DBR1: variants seen among roughly 807,000 people sequenced by gnomAD.
DBR1 encodes debranching RNA lariats 1, also known as lariat debranching enzyme.
In DBR1, 33 loss-of-function variants were observed where a neutral mutation model predicts 45.9. The observed-to-expected ratio is 0.72, with a 90% CI of 0.55 to 0.96. The LOEUF is 0.96. DBR1 is among the 40% of genes least tolerant of loss of function. The pLI is 0.00. For synonymous variants in DBR1, 235 were observed against 235.9 expected, an observed-to-expected ratio of 1.00 and a Z score of 0.04; for missense variants, 619 against 667.4, an observed-to-expected ratio of 0.93 and a Z score of 0.80.
chr3:138,173,132 T>C (rs980356069), intron 2 of DBR1, among the ~76,000 whole-genome samples: 2 of 151,928 alleles, frequency 1.3e-5, no homozygotes, highest in Admixed American at 6.6e-5. Context: ...TAATAGTCGT[T>C]GAAGCTGGTT....
chr3:138,168,506 G>A (rs1261359928), intron 4 of DBR1, among the ~76,000 whole-genome samples: 1 of 147,138 alleles, frequency 6.8e-6, no homozygotes, highest in Non-Finnish European at 1.5e-5. Context: ...GGCAACAGAA[G>A]TGAAACTTTG....
rs1156496205 is a variant in DBR1 at position 138,174,817 on chromosome 3, G to A, written c.-22C>T. The A allele has an allele frequency of 6.2e-7, 1 of 1,602,992 alleles. No individual in the cohort carries two copies. Among genetic ancestry groups the A allele is most frequent in the Admixed American group, 1.7e-5 (1 of 58,688 alleles). ...GCATTCTGCCGGCCTGAGGAGGTGA[G>A]CGCTGCCTGCAACGCCCTACACCAC... On this transcript the variant is annotated 5_prime_UTR_variant, in exon 1 of 8. Transcript: ENST00000260803.
intron 6 of DBR1, 78 bp from the exon 7 acceptor site, chr3:138,163,572 A>T: frequency 1.2e-6 from 1 of 825,994 alleles, no homozygotes; most frequent in Non-Finnish European, 1.7e-6. Flanking sequence ...TTAATAAAAT[A>T]AAAAGGAATT....
chr3:138,174,518 T>A (rs2042969658), intron 1 of DBR1, 81 bp downstream of exon 1: 1 of 1,398,794 alleles, frequency 7.1e-7, no homozygotes. Context: ...AGACAGGATC[T>A]AAGGGAAACA....
chr3:138,163,977 G>T, intron 5 of DBR1, 119 bp from the exon 6 acceptor site: 3 of 604,006 alleles, frequency 5.0e-6, no homozygotes, highest in East Asian at 3.2e-5. Context: ...GTGTGTCAAA[G>T]GAATGACTGT....
At chr3:138,163,281 C>A in intron 7 of DBR1, 68 bp downstream of exon 7, 1 of 1,526,630 alleles carries the variant, frequency 6.6e-7, no homozygotes, top group Non-Finnish European at 9.0e-7. Context: ...CAAAACAAAA[C>A]AAAGGTGGGA....
At chr3:138,163,583 TAATTTA>T (rs1450328200) in intron 6 of DBR1, 89 bp from the exon 7 acceptor site, 17 of 796,226 alleles carry the variant, frequency 2.1e-5, no homozygotes, top group Middle Eastern at 4.2e-4. Flanking sequence ...AAAAGGAATT[TAATTTA>T]AATTTAATTT....
chr3:138,162,700 A>G (rs952548687), intron 7 of DBR1, 118 bp from the exon 8 acceptor site: 7 of 910,032 alleles, frequency 7.7e-6, no homozygotes, highest in African/African-American at 1.7e-5. Flanking sequence ...TCAAAATTCC[A>G]TTTTTAAAGT....
At position 138,171,805 on chromosome 3, in the gene DBR1, G is replaced by C. The variant is rs1450218000; in HGVS notation, c.323-92C>G. On this transcript the variant is annotated intron_variant, in intron 2 of 7. Coordinates refer to ENST00000260803, the MANE Select transcript of DBR1 (RefSeq NM_016216.4). ...TTCCATTTAGATGGAATTCCACACA[G>C]TTCTAAAATTATTTGAAAATTAAGC... The C allele has an allele frequency of 6.5e-6, 6 of 919,652 alleles. No individual in the cohort carries two copies. The African/African-American group carries it at 8.4e-5, about 13-fold the overall frequency. The allele number at this position is 919,652 out of a possible 1,614,324, so 57.0% of individuals were successfully genotyped here.
At chr3:138,173,810 G>A (rs2042966087) in intron 1 of DBR1, among the ~76,000 whole-genome samples, 184 bp from the exon 2 acceptor site, 1 of 152,098 alleles carries the variant, frequency 6.6e-6, no homozygotes, top group Admixed American at 6.5e-5. Context: ...GCCGACACAG[G>A]CGGATCCCCT....
Position 138,161,834 on chromosome 3 carries a change from G to T in DBR1, c.*55C>A, listed in dbSNP as rs1237001504. The T allele has an allele frequency of 2.1e-6, 3 of 1,399,068 alleles. No individual in the cohort carries two copies. Among genetic ancestry groups the T allele is most frequent in the Non-Finnish European group, 3.0e-6 (3 of 995,262 alleles). The allele number at this position is 1,399,068 out of a possible 1,614,324, so 86.7% of individuals were successfully genotyped here. A position where few individuals can be genotyped will look rare whatever the true frequency, so the allele number is the denominator to read the frequency against. On this transcript the variant is annotated 3_prime_UTR_variant, in exon 8 of 8. Transcript: ENST00000260803. ...GCACTCCAGTCTAGGTGACAAGAGT[G>T]AAACTCCATCTCAAAAAAACAAAAC...
intron 7 of DBR1, 130 bp downstream of exon 7, chr3:138,163,219 A>ATCCAAGT: frequency 2.3e-6 from 2 of 886,140 alleles, no homozygotes; most frequent in Non-Finnish European, 3.3e-6. Flanking sequence ...AAGATCCAAG[A>ATCCAAGT]TCACACCACT....
At chr3:138,173,372 C>A in intron 2 of DBR1, 130 bp downstream of exon 2, 1 of 887,540 alleles carries the variant, frequency 1.1e-6, no homozygotes, top group Non-Finnish European at 1.7e-6. Context: ...ATTAAATTTT[C>A]ACGATTAAGT....
chr3:138,173,440 G>T (rs993071402), intron 2 of DBR1, 62 bp downstream of exon 2: 92 of 1,569,982 alleles, frequency 5.9e-5, no homozygotes, highest in Non-Finnish European at 7.9e-5. Context: ...TCCAACTAAC[G>T]CAAATCCTGA....
intron 3 of DBR1, among the ~76,000 whole-genome samples, chr3:138,170,610 C>A (rs2107905466): frequency 6.6e-6 from 1 of 152,304 alleles, no homozygotes; most frequent in South Asian, 2.1e-4. Flanking sequence ...TGTACCCACA[C>A]CTGCCACAGA....
chr3:138,163,623 C>A, intron 6 of DBR1, 129 bp from the exon 7 acceptor site: 1 of 713,198 alleles, frequency 1.4e-6, no homozygotes, highest in South Asian at 6.5e-5. Context: ...TTAAATCAAT[C>A]CATTTAATTT....
Position 138,161,664 on chromosome 3 carries a change from G to A in DBR1, c.*225C>T, listed in dbSNP as rs568110421. ...AGTTGGAGACCAGCCTGGCCAACAC[G>A]GTGAAACCCTGTCATTACTAAAAAT... is the stretch of plus-strand genomic sequence containing the variant. On this transcript the variant is annotated 3_prime_UTR_variant, in exon 8 of 8. Transcript: ENST00000260803. 22 of 449,306 alleles carry A rather than the reference G, an allele frequency of 4.9e-5. No individual in the cohort carries two copies. Among genetic ancestry groups the A allele is most frequent in the Admixed American group, 6.9e-5 (2 of 29,100 alleles). 27.8% of individuals were successfully genotyped at this position (449,306 alleles called of 1,614,324 possible). A position where few individuals can be genotyped will look rare whatever the true frequency, so the allele number is the denominator to read the frequency against.
At chr3:138,171,475 C>CA (rs906867666) in intron 3 of DBR1, 158 bp downstream of exon 3, 2,469 of 68,834 alleles carry the variant, frequency 0.036, 26 homozygotes, top group Non-Finnish European at 0.04. Context: ...AACTCTGTCT[C>CA]AAAAAAAAAA....
chr3:138,174,555 T>TGCCC, intron 1 of DBR1, 44 bp downstream of exon 1: 2 of 1,437,560 alleles, frequency 1.4e-6, no homozygotes, highest in Non-Finnish European at 1.9e-6. Flanking sequence ...GGGAACCCAG[T>TGCCC]CCCACCCCCC....
Sources: allele counts gnomAD v4.1 joint callset (sites outside exome capture counted in the v4.1 genomes callset), GRCh38; gene constraint gnomAD v4.1.1; transcripts MANE v1.5; gene names NCBI Gene and HGNC (gene_info 2026-07-23, HGNC 2026-07-21).